LTBP1: variants seen among roughly 807,000 people sequenced by gnomAD.
The protein encoded by LTBP1 is latent-transforming growth factor beta-binding protein 1.
LTBP1 carries 129 observed loss-of-function variants against 207.6 expected under a neutral mutation model. The ratio of observed to expected loss-of-function variants is 0.62; its 90% CI spans 0.54 to 0.72. The LOEUF (loss-of-function observed/expected upper bound fraction) is 0.72, where lower values mean the gene tolerates loss of function less well. LTBP1 is among the 30% of genes least tolerant of loss of function. LTBP1 has a pLI of 0.00. For missense variants in LTBP1, 2,281 were observed against 2,217.2 expected (o/e 1.03, Z -0.58); for synonymous variants, 963 against 833.7 (o/e 1.16, Z -2.67).
At chr2:33,231,043 C>G (rs1482971516) in intron 9 of LTBP1, among the ~76,000 whole-genome samples, 1 of 152,162 alleles carries the variant, frequency 6.6e-6, no homozygotes, top group Non-Finnish European at 1.5e-5. Context: ...ACATTAATCG[C>G]TGGGGCACTC....
chr2:33,039,340 G>A (rs537272668), intron 3 of LTBP1, among the ~76,000 whole-genome samples: 2 of 151,966 alleles, frequency 1.3e-5, no homozygotes, highest in Admixed American at 6.6e-5. Flanking sequence ...CTTTCGGAGA[G>A]AGAAACCCCA....
chr2:33,033,322 A>G (rs2075771800), intron 3 of LTBP1, among the ~76,000 whole-genome samples: 1 of 152,164 alleles, frequency 6.6e-6, no homozygotes, highest in Non-Finnish European at 1.5e-5. Flanking sequence ...TGTTCAGTCA[A>G]AGCCCAGTTC....
At chr2:33,250,933 C>A (rs1057509881) in intron 10 of LTBP1, among the ~76,000 whole-genome samples, 1 of 152,180 alleles carries the variant, frequency 6.6e-6, no homozygotes, top group East Asian at 1.9e-4. Context: ...GGTTGTCTCA[C>A]CACTGCTGCT....
intron 26 of LTBP1, among the ~76,000 whole-genome samples, chr2:33,354,632 A>G (rs7591317): frequency 0.99 from 150,677 of 151,826 alleles, 74,775 homozygotes; most frequent in Middle Eastern, 1. Flanking sequence ...GAAAAGAGAT[A>G]TCAGTGTTTT....
chr2:32,947,877 A>T, intron 1 of LTBP1, 59 bp downstream of exon 1: 1 of 1,259,216 alleles, frequency 7.9e-7, no homozygotes, highest in Non-Finnish European at 1.0e-6. Context: ...CCGCGGAGGG[A>T]CCTGCGGGGT....
At chr2:33,322,123 T>C (rs2094364009) in intron 24 of LTBP1, among the ~76,000 whole-genome samples, 1 of 107,068 alleles carries the variant, frequency 9.3e-6, no homozygotes, top group African/African-American at 4.0e-5. Flanking sequence ...ATTTGAGATC[T>C]CTTCCTAAGC....
chr2:33,387,606 C>T (rs77986022), intron 31 of LTBP1, among the ~76,000 whole-genome samples: 3,899 of 152,304 alleles, frequency 0.026, 63 homozygotes, highest in South Asian at 0.05. Flanking sequence ...GGGCAGTTCT[C>T]AGAATGTGTG....
chr2:33,351,997 G>T (rs534449955), intron 26 of LTBP1, among the ~76,000 whole-genome samples: 13 of 152,126 alleles, frequency 8.5e-5, no homozygotes, highest in African/African-American at 3.1e-4. Context: ...CCCCACCTCT[G>T]TTGTGAGTGT....
chr2:33,134,590 T>G lies in LTBP1; in HGVS notation c.1034-203T>G. Reference sequence around the variant, plus strand: ...TTCTGTTTGCTAAGCTTCCTACTCCTGTTTCAGAGACACCACTGAATACAG... The same window carrying G: ...TTCTGTTTGCTAAGCTTCCTACTCCGGTTTCAGAGACACCACTGAATACAG... On this transcript the variant is annotated intron_variant, in intron 4 of 33. Coordinates refer to ENST00000404816, the MANE Select transcript of LTBP1 (RefSeq NM_206943.4). This position sits in a 1 kb window ranked among gnomAD's most constrained non-coding sequence, Gnocchi z 4.4. 6.5e-7 allele frequency: 1 copy of G among 1,537,472 alleles called. No homozygotes were observed. Among genetic ancestry groups the G allele is most frequent in the Non-Finnish European group, 8.8e-7 (1 of 1,140,078 alleles).
chr2:33,246,443 TAGC>T (rs935441286), intron 10 of LTBP1, among the ~76,000 whole-genome samples: 2 of 151,438 alleles, frequency 1.3e-5, no homozygotes, highest in African/African-American at 4.9e-5. Context: ...CACAGGGAAA[TAGC>T]AGGAGGGGAC....
intron 9 of LTBP1, among the ~76,000 whole-genome samples, chr2:33,223,423 C>G (rs2091246442): frequency 6.6e-6 from 1 of 152,098 alleles, no homozygotes; most frequent in South Asian, 2.1e-4. Context: ...TAGAATTAAC[C>G]ACTTAAGGAG....
At chr2:33,181,826 T>G (rs1167609209) in intron 5 of LTBP1, among the ~76,000 whole-genome samples, 1 of 152,206 alleles carries the variant, frequency 6.6e-6, no homozygotes, top group Non-Finnish European at 1.5e-5. Flanking sequence ...TTTATAGAAC[T>G]TGGGAAGCAC....
intron 32 of LTBP1, among the ~76,000 whole-genome samples, chr2:33,396,687 C>T (rs541428399): frequency 2.0e-5 from 3 of 152,312 alleles, no homozygotes; most frequent in East Asian, 1.9e-4. Context: ...GTCTTACAAA[C>T]GCCGGCTGAA....
chr2:33,247,650 T>C (rs528993117), intron 10 of LTBP1, among the ~76,000 whole-genome samples: 125 of 152,364 alleles, frequency 8.2e-4, no homozygotes, highest in African/African-American at 2.8e-3. Flanking sequence ...ACGCTCAAGC[T>C]AATTAACACT....
intron 9 of LTBP1, among the ~76,000 whole-genome samples, chr2:33,238,089 T>A (rs992347111): frequency 6.6e-6 from 1 of 151,860 alleles, no homozygotes; most frequent in East Asian, 1.9e-4. Flanking sequence ...AACTTAATAG[T>A]CTGTCTGGGA....
At chr2:33,323,138 C>T (rs1485372918) in intron 24 of LTBP1, among the ~76,000 whole-genome samples, 1 of 152,168 alleles carries the variant, frequency 6.6e-6, no homozygotes, top group Non-Finnish European at 1.5e-5. Flanking sequence ...TTAGCCTAGC[C>T]TGCTTCTAGC....
At chr2:33,330,274 T>C (rs1034418782) in intron 24 of LTBP1, among the ~76,000 whole-genome samples, 1 of 152,086 alleles carries the variant, frequency 6.6e-6, no homozygotes, top group Non-Finnish European at 1.5e-5. Context: ...TATGCAGATT[T>C]CTTTGCATCT....
At chr2:32,969,463 T>A (rs1680533177) in intron 2 of LTBP1, among the ~76,000 whole-genome samples, 2 of 152,028 alleles carry the variant, frequency 1.3e-5, no homozygotes, top group African/African-American at 4.8e-5. Context: ...GTTTTTGTTC[T>A]CTTCTTTATG....
intron 3 of LTBP1, among the ~76,000 whole-genome samples, chr2:33,069,294 C>T (rs1384108907): frequency 6.6e-6 from 1 of 152,186 alleles, no homozygotes; most frequent in Non-Finnish European, 1.5e-5. Flanking sequence ...CCGCCCCACT[C>T]CATTCATACC....
Sources: gnomAD v4.1 joint callset for allele counts (sites outside exome capture counted in the v4.1 genomes callset) on GRCh38, gnomAD v4.1.1 for gene constraint, Gnocchi (gnomAD v3.1) non-coding constraint, MANE v1.5 for transcripts, NCBI Gene and HGNC (gene_info 2026-07-23, HGNC 2026-07-21) for gene names.